The following COL9A3 variants were observed in gnomAD, a reference collection of about 807,000 sequenced individuals.
COL9A3 encodes collagen alpha-3(IX) chain.
COL9A3 carries 82 observed loss-of-function variants against 110.2 expected under a neutral mutation model. That is an observed-to-expected ratio of 0.74 (90% CI 0.62 to 0.89). COL9A3 has a LOEUF of 0.89. Ranked by LOEUF, COL9A3 falls within the 40% of genes least tolerant of loss-of-function variation. The pLI is 0.00. For missense variants in COL9A3, 1,066 were observed against 981.3 expected, an observed-to-expected ratio of 1.09 and a Z score of -1.15; for synonymous variants, 494 against 403.8, an observed-to-expected ratio of 1.22 and a Z score of -2.68.
At position 62,840,837 on chromosome 20, in the gene COL9A3, C is replaced by G; in HGVS notation, c.*105C>G. ...GGTGACGTCCAGGAGAGGGAGCGCCCCTGGCTGCCCCTCGGCCGCCGACTG... is the reference window on the plus strand; with the variant it reads ...GGTGACGTCCAGGAGAGGGAGCGCCGCTGGCTGCCCCTCGGCCGCCGACTG... On this transcript the variant is annotated 3_prime_UTR_variant, in exon 32 of 32. Transcript: ENST00000649368. 7.3e-7 allele frequency: 1 copy of G among 1,362,040 alleles called. No individual in the cohort carries two copies. 84.4% of individuals were successfully genotyped at this position (1,362,040 alleles called of 1,614,324 possible).
rs190017019 is a variant in COL9A3, at chr20:62,837,814, G to T, written c.1786+549G>T. Among the ~76,000 whole-genome samples the T allele has an allele frequency of 2.3e-3, 331 of 141,918 alleles. 1 individual carries two copies. The highest frequency in any genetic ancestry group is 8.3e-3 in the African/African-American group (312 of 37,440). The allele number at this position is 141,918 out of a possible 152,430, so 93.1% of individuals were successfully genotyped here. A position where few individuals can be genotyped will look rare whatever the true frequency, so the allele number is the denominator to read the frequency against. ...AGAGCGAGACTCCGTCTCCATAAAA[G>T]AAAAAAAAAATGTGAGGAATGGCCG... On this transcript the variant is annotated intron_variant, in intron 30 of 31. Transcript: ENST00000649368.
intron 10 of COL9A3, among the ~76,000 whole-genome samples, chr20:62,822,942 C>T (rs771519540): frequency 3.9e-5 from 6 of 152,250 alleles, no homozygotes; most frequent in African/African-American, 7.2e-5. Flanking sequence ...AGCTCCCCTG[C>T]GTCATCCGCA....
chr20:62,836,567 C>T, intron 29 of COL9A3, 35 bp downstream of exon 29: 1 of 1,421,418 alleles, frequency 7.0e-7, no homozygotes, highest in Non-Finnish European at 9.4e-7. Context: ...GCAGCGGGGC[C>T]CATCCCCGCC....
intron 8 of COL9A3, 126 bp from the exon 9 acceptor site, chr20:62,821,985 C>T: frequency 1.3e-6 from 1 of 799,512 alleles, no homozygotes. Flanking sequence ...AGGACGCAGA[C>T]ACCAGCACAG....
At chr20:62,839,810 C>G (rs2063661786) in intron 31 of COL9A3, among the ~76,000 whole-genome samples, 1 of 148,682 alleles carries the variant, frequency 6.7e-6, no homozygotes, top group Non-Finnish European at 1.5e-5. Flanking sequence ...GTCCTCCCCT[C>G]CATGCACGCA....
Position 62,828,900 on chromosome 20 carries a change from C to A in COL9A3, c.955-23C>A, listed in dbSNP as rs763321471. ...CCCGAGGCCTCAGCCTCCCCTTCCG[C>A]ACCCCAATCTCTGTCCTCACAGGGA... On this transcript the variant is annotated intron_variant, in intron 18 of 31. Transcript: ENST00000649368. 6.8e-6 allele frequency: 11 copies of A among 1,612,374 alleles called. No homozygotes were observed. In the South Asian group the frequency reaches 9.9e-5, roughly 14 times the overall value.
chr20:62,833,098 G>T, intron 26 of COL9A3, 34 bp downstream of exon 26: 2 of 1,582,212 alleles, frequency 1.3e-6, no homozygotes, highest in Non-Finnish European at 1.7e-6. Flanking sequence ...GTTACCAACA[G>T]CTGGGAGCGA....
At position 62,838,672 on chromosome 20, in the gene COL9A3, ACCT is replaced by A; in HGVS notation, c.1787-10_1787-8del. ...ACTCTAACCATATGTCTGTGTCCAC[ACCT>A]CGTGACAGGAAACCAGGGTGACAGA... On this transcript the variant is annotated splice_polypyrimidine_tract_variant and intron_variant, in intron 30 of 31. Transcript: ENST00000649368. The A allele has an allele frequency of 6.4e-7, 1 of 1,551,774 alleles. No individual in the cohort carries two copies. Among genetic ancestry groups the A allele is most frequent in the Non-Finnish European group, 8.7e-7 (1 of 1,146,984 alleles).
chr20:62,829,307 C>T (rs2063577496), intron 19 of COL9A3, 148 bp from the exon 20 acceptor site: 1 of 1,102,854 alleles, frequency 9.1e-7, no homozygotes, highest in African/African-American at 1.6e-5. Context: ...CAAAGCCGCA[C>T]CTCAGGTCCA....
chr20:62,824,743 C>T (rs1466659832), intron 11 of COL9A3, among the ~76,000 whole-genome samples: 1 of 152,206 alleles, frequency 6.6e-6, no homozygotes, highest in Non-Finnish European at 1.5e-5. Context: ...GCCTCAAGCT[C>T]CCACCCCAGC....
chr20:62,826,780 TC>T lies in COL9A3; in HGVS notation c.754del (p.Arg252GlufsTer281). ...TCTCCTCTGCAGGGTCCCATTGGGT[TC>T]CGAGGGCCGCCTGGGATCCCAGGAG... ...GPPGDRGPIG[F>X]RGPPGIPGAP... On this transcript the variant is annotated frameshift_variant, in exon 15 of 32. Transcript: ENST00000649368. LOFTEE classifies it high-confidence loss of function. 2.5e-6 allele frequency: 4 copies of T among 1,612,784 alleles called. No homozygotes were observed. The highest frequency in any genetic ancestry group is 3.4e-6 in the Non-Finnish European group (4 of 1,179,956).
intron 1 of COL9A3, chr20:62,817,345 G>C: frequency 2.1e-6 from 1 of 486,728 alleles, no homozygotes; most frequent in Non-Finnish European, 3.4e-6. Flanking sequence ...GGCCGGCGCC[G>C]CCGCCTCCTC....
chr20:62,832,919 G>A lies in COL9A3; in HGVS notation c.1324-101G>A, dbSNP rs201516067. The stretch of plus-strand genomic sequence containing the variant: ...GGGCTTTTGGCCTCGACCTTAAGAT[G>A]AACATTACACCTACGGAGGCTTGAG... On this transcript the variant is annotated intron_variant, in intron 25 of 31. Coordinates refer to ENST00000649368, the MANE Select transcript of COL9A3 (RefSeq NM_001853.4). 6,300 of 1,130,892 alleles carry A rather than the reference G, an allele frequency of 5.6e-3. 237 individuals are homozygous for A. The African/African-American group carries it at 0.084, about 15-fold the overall frequency. 70.1% of individuals were successfully genotyped at this position (1,130,892 alleles called of 1,614,324 possible). A position where few individuals can be genotyped will look rare whatever the true frequency, so the allele number is the denominator to read the frequency against.
At chr20:62,820,963 G>A (rs886631051) in intron 5 of COL9A3, among the ~76,000 whole-genome samples, 1 of 152,168 alleles carries the variant, frequency 6.6e-6, no homozygotes, top group Admixed American at 6.5e-5. Flanking sequence ...TTCTTGCAGC[G>A]AGCGCTGGGA....
At chr20:62,840,217 A>C (rs1416663709) in intron 31 of COL9A3, among the ~76,000 whole-genome samples, 28 of 125,190 alleles carry the variant, frequency 2.2e-4, no homozygotes, top group South Asian at 8.3e-4. Context: ...ACAACCCCCC[A>C]CTCCGGGCCC....
rs181370973 is a variant in COL9A3, at chr20:62,817,963, T to C, written c.147+328T>C. On this transcript the variant is annotated intron_variant, in intron 2 of 31. Coordinates refer to ENST00000649368, the MANE Select transcript of COL9A3 (RefSeq NM_001853.4). ...GGGGAGAGGCACGTCCTTTGGGTGG[T>C]TGGGGGCCGGGGGTCTTGTTGGAGG... 507 of 424,258 alleles carry C rather than the reference T, an allele frequency of 1.2e-3. 1 individual carries two copies. Among genetic ancestry groups the C allele is most frequent in the Non-Finnish European group, 1.9e-3 (417 of 218,500 alleles). The allele number at this position is 424,258 out of a possible 1,614,324, so 26.3% of individuals were successfully genotyped here.
rs1040338837 is a variant in COL9A3, at chr20:62,826,389, T to G, written c.738+132T>G. The stretch of plus-strand genomic sequence containing the variant: ...GCACCCTGGCTCTGGCCATCGCCAC[T>G]GTGGCGCAGGCCTTGCTCTGGGCCC... On this transcript the variant is annotated intron_variant, in intron 14 of 31. Transcript: ENST00000649368. 3 of 869,046 alleles carry G rather than the reference T, an allele frequency of 3.5e-6. No individual in the cohort carries two copies. The African/African-American group carries it at 5.0e-5, about 15-fold the overall frequency. 53.8% of individuals were successfully genotyped at this position (869,046 alleles called of 1,614,324 possible).
chr20:62,821,414 T>C, intron 6 of COL9A3, 93 bp from the exon 7 acceptor site: 1 of 1,557,072 alleles, frequency 6.4e-7, no homozygotes, highest in East Asian at 2.3e-5. Context: ...GGAACCGCCC[T>C]TTCCCCAGGA....
intron 19 of COL9A3, among the ~76,000 whole-genome samples, chr20:62,829,245 A>G (rs2063577165): frequency 6.6e-6 from 1 of 152,146 alleles, no homozygotes; most frequent in African/African-American, 2.4e-5. Flanking sequence ...TGCGGTCATC[A>G]CCCCCATGGG....
Sources: allele counts gnomAD v4.1 joint callset (sites outside exome capture counted in the v4.1 genomes callset), GRCh38; gene constraint gnomAD v4.1.1; transcripts MANE v1.5; gene names NCBI Gene and HGNC (gene_info 2026-07-23, HGNC 2026-07-21).